The following SGCZ variants were observed in gnomAD, a reference collection of about 807,000 sequenced individuals.
The protein encoded by SGCZ is sarcoglycan zeta, also known as zeta-sarcoglycan.
Under a neutral mutation model 41.3 loss-of-function variants are expected in SGCZ, and 40 were observed. The observed-to-expected ratio is 0.97, with a 90% CI of 0.75 to 1.26. The LOEUF (loss-of-function observed/expected upper bound fraction) is 1.26, where lower values mean the gene tolerates loss of function less well. Ranked by LOEUF, SGCZ falls within the 50% of genes most tolerant of loss-of-function variation. SGCZ has a pLI of 0.00. For synonymous variants in SGCZ, 206 were observed against 137.5 expected (o/e 1.50, Z -3.49); for missense variants, 552 against 369.8 (o/e 1.49, Z -4.04).
chr8:15,003,010 A>ATGTACAACGTAACTT (rs959292999), intron 1 of SGCZ, among the ~76,000 whole-genome samples: 1 of 152,094 alleles, frequency 6.6e-6, no homozygotes, highest in African/African-American at 2.4e-5. Context: ...GCCTGTCACC[A>ATGTACAACGTAACTT]TGTACAACGT....
At chr8:15,216,629 T>A (rs571786943) in intron 1 of SGCZ, among the ~76,000 whole-genome samples, 3 of 152,166 alleles carry the variant, frequency 2.0e-5, no homozygotes, top group Non-Finnish European at 4.4e-5. Flanking sequence ...GATATCCTTA[T>A]TGCTATGAAC....
At position 14,648,772 on chromosome 8, in the gene SGCZ, A is replaced by G. The variant is rs117975533; in HGVS notation, c.40-93846T>C. 2.0e-3 allele frequency among the ~76,000 whole-genome samples: 312 copies of G among 152,212 alleles called. 2 individuals are homozygous for G. Among genetic ancestry groups the G allele is most frequent in the Admixed American group, 0.014 (207 of 15,250 alleles). ...CATAGTTCAGACTACATAAAAACCA[A>G]TAATAAACAAAAACCAATAATATCT... On this transcript the variant is annotated intron_variant, in intron 1 of 7. Coordinates refer to ENST00000382080, the MANE Select transcript of SGCZ (RefSeq NM_139167.4).
At chr8:15,008,849 A>C (rs947176757) in intron 1 of SGCZ, among the ~76,000 whole-genome samples, 15 of 150,870 alleles carry the variant, frequency 9.9e-5, no homozygotes, top group Admixed American at 9.9e-4. Context: ...AGGGATTAAA[A>C]CTTGAAACTG....
In SGCZ at chr8:14,582,033, C is replaced by G. The variant is rs1563130690; in HGVS notation, c.40-27107G>C. The stretch of plus-strand genomic sequence containing the variant: ...CAAATCCTTCCTCTTCTCCCTCCTC[C>G]TCAGCCTACTCAACGTGATGATGAG... On this transcript the variant is annotated intron_variant, in intron 1 of 7. Transcript: ENST00000382080. Among the ~76,000 whole-genome samples the G allele has an allele frequency of 4.6e-5, 7 of 152,216 alleles. No individual in the cohort carries two copies. The South Asian group carries it at 1.5e-3, about 32-fold the overall frequency.
intron 1 of SGCZ, among the ~76,000 whole-genome samples, chr8:14,568,362 C>A (rs1448808053): frequency 1.4e-5 from 2 of 144,630 alleles, no homozygotes; most frequent in Non-Finnish European, 1.5e-5. Flanking sequence ...AACAAACCTG[C>A]ACATTCAGCA....
intron 2 of SGCZ, among the ~76,000 whole-genome samples, chr8:14,348,065 A>G (rs936288975): frequency 6.6e-6 from 1 of 152,040 alleles, no homozygotes; most frequent in African/African-American, 2.4e-5. Context: ...CCAGGCACGG[A>G]GACCCAGCTG....
intron 1 of SGCZ, among the ~76,000 whole-genome samples, chr8:14,966,518 T>G (rs1801130867): frequency 6.6e-6 from 1 of 152,050 alleles, no homozygotes; most frequent in African/African-American, 2.4e-5. Context: ...AGGTATTAAT[T>G]AAACGTAACA....
chr8:14,371,118 T>C (rs1212712285), intron 2 of SGCZ, among the ~76,000 whole-genome samples: 1 of 151,956 alleles, frequency 6.6e-6, no homozygotes, highest in Non-Finnish European at 1.5e-5. Context: ...AATAGCAAAA[T>C]TCCTCCCAGA....
At chr8:14,680,360 A>G (rs1440412879) in intron 1 of SGCZ, among the ~76,000 whole-genome samples, 1 of 152,134 alleles carries the variant, frequency 6.6e-6, no homozygotes, top group Non-Finnish European at 1.5e-5. Context: ...TATTAGTGAT[A>G]ATGATATGTC....
At chr8:14,500,363 A>T (rs1214271900) in intron 2 of SGCZ, among the ~76,000 whole-genome samples, 1 of 152,030 alleles carries the variant, frequency 6.6e-6, no homozygotes, top group Non-Finnish European at 1.5e-5. Flanking sequence ...AGCAGGATGG[A>T]AGCAGAGCAA....
At chr8:14,512,902 C>T (rs1002589565) in intron 2 of SGCZ, among the ~76,000 whole-genome samples, 3 of 152,116 alleles carry the variant, frequency 2.0e-5, no homozygotes, top group Non-Finnish European at 4.4e-5. Context: ...ATCCTCCCAG[C>T]TACCTCCCCT....
chr8:14,592,971 C>T (rs1805287087), intron 1 of SGCZ, among the ~76,000 whole-genome samples: 1 of 152,128 alleles, frequency 6.6e-6, no homozygotes, highest in Non-Finnish European at 1.5e-5. Flanking sequence ...GAAACTACCG[C>T]AATTGTTGGT....
intron 1 of SGCZ, among the ~76,000 whole-genome samples, chr8:14,724,026 C>G (rs1034352984): frequency 6.6e-6 from 1 of 152,040 alleles, no homozygotes; most frequent in African/African-American, 2.4e-5. Flanking sequence ...TATTCACACT[C>G]TTGGTGTTAA....
intron 2 of SGCZ, among the ~76,000 whole-genome samples, chr8:14,325,509 T>G (rs1045228756): frequency 6.8e-6 from 1 of 147,694 alleles, no homozygotes; most frequent in African/African-American, 2.5e-5. Flanking sequence ...ATAATCATAA[T>G]CATATATAAT....
intron 2 of SGCZ, among the ~76,000 whole-genome samples, chr8:14,492,558 G>C (rs181512329): frequency 2.5e-3 from 386 of 152,182 alleles, no homozygotes; most frequent in Non-Finnish European, 3.8e-3. Context: ...CAAGATTTAC[G>C]AAGAAAAGTG....
chr8:14,452,343 G>A (rs895001806), intron 2 of SGCZ, among the ~76,000 whole-genome samples: 2 of 152,026 alleles, frequency 1.3e-5, no homozygotes, highest in African/African-American at 4.8e-5. Flanking sequence ...TGGATTTCCA[G>A]GACAGTAAAA....
At chr8:15,062,675 G>A (rs932566733) in intron 1 of SGCZ, among the ~76,000 whole-genome samples, 1 of 152,058 alleles carries the variant, frequency 6.6e-6, no homozygotes, top group African/African-American at 2.4e-5. Context: ...TTTTAAAAGA[G>A]GAGCATCAGA....
chr8:14,613,103 C>T (rs1451120676), intron 1 of SGCZ, among the ~76,000 whole-genome samples: 3 of 152,192 alleles, frequency 2.0e-5, no homozygotes, highest in Admixed American at 6.5e-5. Context: ...CCCACATGCA[C>T]CCTGCCTGGC....
intron 1 of SGCZ, among the ~76,000 whole-genome samples, chr8:15,136,284 G>C (rs1359214255): frequency 6.6e-6 from 1 of 152,050 alleles, no homozygotes; most frequent in Non-Finnish European, 1.5e-5. Context: ...CTTGTAACAG[G>C]CAATGAGTTT....
Sources: gnomAD v4.1 joint callset for allele counts (sites outside exome capture counted in the v4.1 genomes callset) on GRCh38, gnomAD v4.1.1 for gene constraint, MANE v1.5 for transcripts, NCBI Gene and HGNC (gene_info 2026-07-23, HGNC 2026-07-21) for gene names.